Variants in SEC23B observed in about 807,000 individuals in gnomAD.
SEC23B encodes protein transport protein Sec23B.
In SEC23B, 77 loss-of-function variants were observed where a neutral mutation model predicts 104.3. The observed-to-expected ratio is 0.74, with a 90% CI of 0.61 to 0.89. The LOEUF (loss-of-function observed/expected upper bound fraction) is 0.89, where lower values mean the gene tolerates loss of function less well. SEC23B is among the 40% of genes least tolerant of loss of function. The probability of loss-of-function intolerance (pLI) is 0.00; values close to 1 mark genes in which losing one functional copy is unlikely to be tolerated. For synonymous variants in SEC23B, 338 were observed against 332.5 expected (o/e 1.02, Z -0.18); for missense variants, 885 against 949.4 (o/e 0.93, Z 0.89).
At chr20:18,509,374 A>T (rs2059961483) in intron 1 of SEC23B, among the ~76,000 whole-genome samples, 1 of 152,190 alleles carries the variant, frequency 6.6e-6, no homozygotes, top group South Asian at 2.1e-4. Flanking sequence ...GTTGTTATCC[A>T]TATTCAGGAA....
chr20:18,537,642 T>G (rs556652892), intron 12 of SEC23B, among the ~76,000 whole-genome samples: 2 of 152,080 alleles, frequency 1.3e-5, no homozygotes, highest in Non-Finnish European at 2.9e-5. Flanking sequence ...TGCTAAATGA[T>G]GAGTTAATGG....
rs192471219 is a variant in SEC23B at position 18,549,906 on chromosome 20, G to A, written c.1905+1136G>A. ...GGAGAATCACTTGAACCCCGGAGGC[G>A]GAGGCTGCAGTGAGTTGAGATCGCG... On this transcript the variant is annotated intron_variant, in intron 16 of 19. Transcript: ENST00000650089. Among the ~76,000 whole-genome samples the A allele has an allele frequency of 5.0e-3, 757 of 151,786 alleles. 12 individuals carry two copies. Among genetic ancestry groups the A allele is most frequent in the Admixed American group, 0.038 (576 of 15,252 alleles).
chr20:18,525,033 C>A lies in SEC23B; in HGVS notation c.689+13C>A. 6.2e-7 allele frequency: 1 copy of A among 1,611,820 alleles called. No individual in the cohort carries two copies. Among genetic ancestry groups the A allele is most frequent in the South Asian group, 1.1e-5 (1 of 91,032 alleles). ...TTGCTTCAAGCAGGTGAGAGCCCAA[C>A]ATGGAGTGTTACACGTATTGTGATG... On this transcript the variant is annotated intron_variant, in intron 6 of 19. Transcript: ENST00000650089.
At chr20:18,519,219 G>C (rs1455145428) in intron 4 of SEC23B, among the ~76,000 whole-genome samples, 1 of 152,070 alleles carries the variant, frequency 6.6e-6, no homozygotes, top group Non-Finnish European at 1.5e-5. Context: ...GGATCAGAGA[G>C]ATACAGTCAT....
intron 15 of SEC23B, among the ~76,000 whole-genome samples, chr20:18,548,132 G>A (rs1219278432): frequency 6.6e-6 from 1 of 151,792 alleles, no homozygotes; most frequent in East Asian, 1.9e-4. Context: ...TGGATTTTTA[G>A]TAGAGACGGG....
intron 4 of SEC23B, among the ~76,000 whole-genome samples, chr20:18,518,459 G>A (rs918040696): frequency 2.6e-5 from 4 of 152,116 alleles, no homozygotes; most frequent in Non-Finnish European, 4.4e-5. Flanking sequence ...TTTCCTTGAG[G>A]ATAGATTTCC....
chr20:18,536,816 T>G (rs1221329037), intron 12 of SEC23B, among the ~76,000 whole-genome samples: 1 of 152,234 alleles, frequency 6.6e-6, no homozygotes, highest in Non-Finnish European at 1.5e-5. Flanking sequence ...TAATATATAT[T>G]ATGTCCTGTA....
chr20:18,543,024 C>T lies in SEC23B; in HGVS notation c.1517C>T (p.Ala506Val), dbSNP rs761967614. The change falls in exon 14 of 20, where the codon GCA (alanine) becomes GTA (valine). Residue 506 changes from alanine (A) to valine (V), a missense_variant. Physicochemically the swap from Ala to Val is moderately conservative, Grantham distance 64. Transcript: ENST00000650089. Reference sequence around the variant, plus strand: ...ACTAACTCTGGAATTGTCAGTTGGGCAGATGTACAGAGTCAGCTCAGGCAC... The same window carrying T: ...ACTAACTCTGGAATTGTCAGTTGGGTAGATGTACAGAGTCAGCTCAGGCAC... ...IRVTTIARNW[A>V]DVQSQLRHIE... is the part of the protein sequence containing the mutation. 5 of 1,614,030 alleles carry T rather than the reference C, an allele frequency of 3.1e-6. No homozygotes were observed. In the South Asian group the frequency reaches 4.4e-5, roughly 14 times the overall value.
Position 18,526,481 on chromosome 20 carries a change from T to A in SEC23B, c.943T>A (p.Trp315Arg). 2 of 1,614,190 alleles carry A rather than the reference T, an allele frequency of 1.2e-6. No homozygotes were observed. The highest frequency in any genetic ancestry group is 1.7e-6 in the Non-Finnish European group (2 of 1,180,030). ...GDELKIPIRS[W>R]HDIEKDNARF... ...TGAATTAAAGATTCCTATTCGTTCT[T>A]GGCATGATATTGAGAAAGATAATGC... The change falls in exon 8 of 20, where the codon TGG becomes AGG. Residue 315 changes from tryptophan (W) to arginine (R), a missense_variant. By Grantham distance (101) the Trp-to-Arg change is moderately radical. Transcript: ENST00000650089.
chr20:18,517,595 G>A lies in SEC23B; in HGVS notation c.366+1859G>A, dbSNP rs566416903. Among the ~76,000 whole-genome samples, 300 of 152,272 alleles carry A rather than the reference G, an allele frequency of 2.0e-3. 1 individual carries two copies. The highest frequency in any genetic ancestry group is 3.6e-3 in the Non-Finnish European group (242 of 68,030). Reference sequence around the variant, plus strand: ...AATAAGAAAAGCAAAACAAAATAGTGAAGTGTTGGAGCAGTGAAAAAATTT... The same window carrying A: ...AATAAGAAAAGCAAAACAAAATAGTAAAGTGTTGGAGCAGTGAAAAAATTT... On this transcript the variant is annotated intron_variant, in intron 4 of 19. Transcript: ENST00000650089.
intron 19 of SEC23B, among the ~76,000 whole-genome samples, chr20:18,559,080 T>TGGGGG (rs71194250): frequency 8.2e-6 from 1 of 121,320 alleles, no homozygotes; most frequent in Non-Finnish European, 1.6e-5. Flanking sequence ...AGGTGGTTGG[T>TGGGGG]GGGGGGGGTG....
At chr20:18,521,082 G>A (rs1451422668) in intron 4 of SEC23B, among the ~76,000 whole-genome samples, 1 of 152,170 alleles carries the variant, frequency 6.6e-6, no homozygotes. Context: ...AGGAGGTTCT[G>A]GAGGAACCCC....
At chr20:18,515,600 A>G in intron 3 of SEC23B, 50 bp from the exon 4 acceptor site, 1 of 1,046,256 alleles carries the variant, frequency 9.6e-7, no homozygotes, top group East Asian at 2.4e-5. Context: ...GAAAATAAAA[A>G]GTGTAATATA....
chr20:18,519,550 G>A (rs750831059), intron 4 of SEC23B, among the ~76,000 whole-genome samples: 3 of 152,142 alleles, frequency 2.0e-5, no homozygotes, highest in Non-Finnish European at 2.9e-5. Flanking sequence ...GCGCGGTCCC[G>A]TTCCTTGTGT....
At chr20:18,533,969 A>G (rs1291046976) in intron 11 of SEC23B, among the ~76,000 whole-genome samples, 4 of 152,232 alleles carry the variant, frequency 2.6e-5, no homozygotes, top group African/African-American at 7.2e-5. Context: ...TTCAGCCATG[A>G]AAGTTTTGTT....
Position 18,525,862 on chromosome 20 carries a change from C to T in SEC23B, c.764C>T (p.Pro255Leu). ...GGGGAGCTACAGAGGGACCCATGGCCAGTAACTCAGGGGAAGAGACCTTTG... is the reference window on the plus strand; with the variant it reads ...GGGGAGCTACAGAGGGACCCATGGCTAGTAACTCAGGGGAAGAGACCTTTG... ...LLGELQRDPW[P>L]VTQGKRPLRS... Residue 255 changes from proline to leucine, a missense_variant, in exon 7 of 20, where the codon CCA (proline) becomes CTA (leucine). Pro to Leu is a moderately conservative substitution (Grantham distance 98). Transcript: ENST00000650089. 1 of 1,614,110 alleles carries T rather than the reference C, an allele frequency of 6.2e-7. No individual in the cohort carries two copies. Among genetic ancestry groups the T allele is most frequent in the Non-Finnish European group, 8.5e-7 (1 of 1,180,006 alleles).
chr20:18,557,394 C>T (rs1035329315), intron 19 of SEC23B, among the ~76,000 whole-genome samples: 2 of 152,110 alleles, frequency 1.3e-5, no homozygotes, highest in African/African-American at 4.8e-5. Context: ...CCCACCTCAG[C>T]CTCCCAAAGT....
At chr20:18,534,522 T>C (rs1312196227) in intron 11 of SEC23B, among the ~76,000 whole-genome samples, 1 of 152,250 alleles carries the variant, frequency 6.6e-6, no homozygotes, top group Non-Finnish European at 1.5e-5. Flanking sequence ...CCGTGTTACA[T>C]GTGCTGAGTT....
intron 19 of SEC23B, among the ~76,000 whole-genome samples, chr20:18,556,258 G>A (rs772923483): frequency 6.6e-6 from 1 of 152,092 alleles, no homozygotes; most frequent in Non-Finnish European, 1.5e-5. Flanking sequence ...GCCTGCAGTT[G>A]GGGACCCCTG....
Sources: allele counts gnomAD v4.1 joint callset (sites outside exome capture counted in the v4.1 genomes callset), GRCh38; gene constraint gnomAD v4.1.1; transcripts MANE v1.5; gene names NCBI Gene and HGNC (gene_info 2026-07-23, HGNC 2026-07-21).